Variants in CNTNAP2 observed in about 807,000 individuals in gnomAD.
CNTNAP2 encodes contactin-associated protein-like 2.
A neutral mutation model predicts 155.2 loss-of-function variants in CNTNAP2; 98 were observed. The observed-to-expected ratio is 0.63, with a 90% CI of 0.54 to 0.75. The LOEUF is 0.75. Among genes scored for constraint, CNTNAP2 ranks in the 30% least tolerant of loss-of-function variants. The probability of loss-of-function intolerance (pLI) is 0.00; values close to 1 mark genes in which losing one functional copy is unlikely to be tolerated. For missense variants in CNTNAP2, 1,727 were observed against 1,688.1 expected (o/e 1.02, Z -0.40); for synonymous variants, 651 against 631.2 (o/e 1.03, Z -0.47).
intron 21 of CNTNAP2, among the ~76,000 whole-genome samples, chr7:148,362,628 G>C (rs1170904869): frequency 6.6e-6 from 1 of 152,186 alleles, no homozygotes; most frequent in Non-Finnish European, 1.5e-5. Context: ...GCAGGCTGCA[G>C]GGGAGCACAG....
intron 13 of CNTNAP2, among the ~76,000 whole-genome samples, chr7:147,711,160 A>G (rs1372676015): frequency 2.6e-5 from 4 of 152,240 alleles, no homozygotes; most frequent in Non-Finnish European, 5.9e-5. Context: ...GGGTATTTAA[A>G]TAGTAACCTA....
chr7:147,127,489 T>C (rs113095009), intron 6 of CNTNAP2, among the ~76,000 whole-genome samples: 6,086 of 152,220 alleles, frequency 0.04, 371 homozygotes, highest in African/African-American at 0.14. Context: ...AATTTGTTCA[T>C]GGACCTTCCA....
In CNTNAP2 at chr7:146,154,764, T is replaced by A. The variant is rs145912775; in HGVS notation, c.97+37791T>A. Among the ~76,000 whole-genome samples the A allele has an allele frequency of 5.6e-3, 848 of 152,298 alleles. 10 individuals are homozygous for A. The highest frequency in any genetic ancestry group is 0.019 in the African/African-American group (795 of 41,560). ...GCTCTCTGGGCACTACTCACTCTTC[T>A]GAAAGTATTTGAAACCTTTTGGGCT... On this transcript the variant is annotated intron_variant, in intron 1 of 23. Transcript: ENST00000361727.
At chr7:147,198,172 A>G (rs1802843397) in intron 8 of CNTNAP2, among the ~76,000 whole-genome samples, 2 of 152,080 alleles carry the variant, frequency 1.3e-5, no homozygotes, top group Non-Finnish European at 2.9e-5. Flanking sequence ...CACTGCCTAA[A>G]GAAAAGCTTT....
chr7:146,526,135 A>G (rs527500845), intron 1 of CNTNAP2, among the ~76,000 whole-genome samples: 1 of 152,308 alleles, frequency 6.6e-6, no homozygotes, highest in East Asian at 1.9e-4. Flanking sequence ...AAAGGGACCC[A>G]CAGCTTCACT....
intron 2 of CNTNAP2, among the ~76,000 whole-genome samples, chr7:146,814,520 C>T (rs1042059123): frequency 2.0e-5 from 3 of 152,052 alleles, no homozygotes; most frequent in Admixed American, 2.0e-4. Context: ...AAAAGAAGTG[C>T]AAACTATAGA....
At chr7:146,464,187 G>GTTTT (rs369508603) in intron 1 of CNTNAP2, among the ~76,000 whole-genome samples, 1,836 of 90,966 alleles carry the variant, frequency 0.02, 82 homozygotes, top group South Asian at 0.055. Context: ...CTTTGAAACT[G>GTTTT]TTTTTTTTTT....
chr7:147,095,943 G>A lies in CNTNAP2; in HGVS notation c.551-12204G>A, dbSNP rs147210477. ...TCCCTTCATATGGGTCCTGACAGAT[G>A]AGCCTTTTGGACCCCTCGTAAAAGT... On this transcript the variant is annotated intron_variant, in intron 4 of 23. Transcript: ENST00000361727. 4.8e-3 allele frequency among the ~76,000 whole-genome samples: 736 copies of A among 152,232 alleles called. 7 individuals carry two copies. The highest frequency in any genetic ancestry group is 0.017 in the African/African-American group (706 of 41,538).
intron 1 of CNTNAP2, among the ~76,000 whole-genome samples, chr7:146,265,226 G>A (rs1019782415): frequency 6.6e-6 from 1 of 151,978 alleles, no homozygotes; most frequent in African/African-American, 2.4e-5. Flanking sequence ...CATTATGTAT[G>A]TATGTACTAT....
intron 13 of CNTNAP2, among the ~76,000 whole-genome samples, chr7:147,817,669 C>T (rs542905627): frequency 5.6e-4 from 85 of 151,942 alleles, no homozygotes; most frequent in African/African-American, 1.7e-3. Context: ...TTTGGGAGGC[C>T]GAGGTGGGCG....
chr7:146,934,001 A>G (rs1796849567), intron 3 of CNTNAP2, among the ~76,000 whole-genome samples: 2 of 152,138 alleles, frequency 1.3e-5, no homozygotes, highest in Non-Finnish European at 2.9e-5. Flanking sequence ...TGGGAGTGTA[A>G]ACTAGTTCAA....
chr7:146,429,669 C>G (rs1796143820), intron 1 of CNTNAP2, among the ~76,000 whole-genome samples: 1 of 152,094 alleles, frequency 6.6e-6, no homozygotes, highest in Non-Finnish European at 1.5e-5. Flanking sequence ...ATGTCATCTG[C>G]AAACAAAAAT....
intron 3 of CNTNAP2, among the ~76,000 whole-genome samples, chr7:146,929,274 G>A (rs527464128): frequency 3.3e-5 from 5 of 152,216 alleles, no homozygotes; most frequent in African/African-American, 9.6e-5. Flanking sequence ...CAGCATTCGC[G>A]GTTCACGAAA....
chr7:147,461,960 A>G (rs528857369), intron 10 of CNTNAP2, among the ~76,000 whole-genome samples: 1 of 152,340 alleles, frequency 6.6e-6, no homozygotes, highest in African/African-American at 2.4e-5. Context: ...ATATAAAAAT[A>G]ATTAAAACAT....
chr7:146,504,096 G>A (rs896681007), intron 1 of CNTNAP2, among the ~76,000 whole-genome samples: 2 of 152,232 alleles, frequency 1.3e-5, no homozygotes, highest in Non-Finnish European at 2.9e-5. Context: ...GTGTCATGCT[G>A]TACCAGATGT....
intron 21 of CNTNAP2, among the ~76,000 whole-genome samples, chr7:148,366,552 A>G (rs909224486): frequency 2.6e-5 from 4 of 152,158 alleles, no homozygotes; most frequent in South Asian, 4.1e-4. Context: ...TTTTCCATGG[A>G]TCCTTGCCCA....
At chr7:146,689,235 G>A (rs1486275444) in intron 1 of CNTNAP2, among the ~76,000 whole-genome samples, 4 of 151,990 alleles carry the variant, frequency 2.6e-5, no homozygotes, top group Non-Finnish European at 4.4e-5. Context: ...TCTTCTCTAT[G>A]AGTGGTGATC....
intron 1 of CNTNAP2, among the ~76,000 whole-genome samples, chr7:146,376,401 C>A (rs1795304405): frequency 6.6e-6 from 1 of 152,022 alleles, no homozygotes; most frequent in African/African-American, 2.4e-5. Context: ...ATACAGAATA[C>A]AACATGCTAT....
chr7:146,232,567 T>C (rs535351134), intron 1 of CNTNAP2, among the ~76,000 whole-genome samples: 1 of 152,100 alleles, frequency 6.6e-6, no homozygotes, highest in South Asian at 2.1e-4. Flanking sequence ...TAAGAATCTA[T>C]TGTTTTTTTG....
Sources: gnomAD v4.1 joint callset for allele counts (sites outside exome capture counted in the v4.1 genomes callset) on GRCh38, gnomAD v4.1.1 for gene constraint, MANE v1.5 for transcripts, NCBI Gene and HGNC (gene_info 2026-07-23, HGNC 2026-07-21) for gene names.